The following HLA-C variants were observed in gnomAD, a reference collection of about 807,000 sequenced individuals.
The protein encoded by HLA-C is HLA class I histocompatibility antigen, C alpha chain.
A neutral mutation model predicts 36.9 loss-of-function variants in HLA-C; 15 were observed. That is an observed-to-expected ratio of 0.41 (90% CI 0.27 to 0.63). The LOEUF is 0.63. HLA-C is among the 20% of genes least tolerant of loss of function. The probability of loss-of-function intolerance (pLI) is 0.35; values close to 1 mark genes in which losing one functional copy is unlikely to be tolerated. For synonymous variants in HLA-C, 104 were observed against 174.3 expected, an observed-to-expected ratio of 0.60 and a Z score of 3.18; for missense variants, 272 against 400.4, an observed-to-expected ratio of 0.68 and a Z score of 2.74.
chr6:31,272,039 C>A, exon 1 of HLA-C: 1 of 1,038,186 alleles, frequency 9.6e-7, no homozygotes, highest in East Asian at 3.7e-5. Flanking sequence ...CCGAGAGCAG[C>A]AGGAGGAGGG....
chr6:31,269,021 T>A (rs1442640325), exon 8 of HLA-C: 3 of 699,168 alleles, frequency 4.3e-6, no homozygotes, highest in Non-Finnish European at 7.8e-6. Context: ...GACACGGGGG[T>A]GGGCTGTCTC....
At position 31,269,580 on chromosome 6, in the gene HLA-C, C is replaced by T. The variant is rs72558162; in HGVS notation, c.1016-55G>A. The T allele has an allele frequency of 6.9e-4, 465 of 676,118 alleles. 181 individuals are homozygous for T. In the South Asian group the frequency reaches 0.012, roughly 18 times the overall value. The allele number at this position is 676,118 out of a possible 1,614,324, so 41.9% of individuals were successfully genotyped here. A position where few individuals can be genotyped will look rare whatever the true frequency, so the allele number is the denominator to read the frequency against. On this transcript the variant is annotated intron_variant, in intron 5 of 7. Coordinates refer to ENST00000376228, the Ensembl canonical transcript of HLA-C. ...CTGGGAGGAGGCAGGGCCATGTGAT[C>T]TTAGGGGAACCTCCTAGTCTTGGAC...
rs779837272 is a variant in HLA-C at position 31,272,054 on chromosome 6, G to A, written c.18C>T (p.Pro6=). The A allele has an allele frequency of 2.9e-6, 3 of 1,020,166 alleles. 1 individual carries two copies. Among genetic ancestry groups the A allele is most frequent in the Non-Finnish European group, 3.9e-6 (3 of 760,694 alleles). 63.2% of individuals were successfully genotyped at this position (1,020,166 alleles called of 1,614,324 possible). Residue 6 remains proline (P), a synonymous_variant, in exon 1 of 8, where the codon CCC becomes CCT. Transcript: ENST00000376228. ...CCGAGAGCAGCAGGAGGAGGGCTCGGGGCGCCATGACCCGCATCTCGGCCT... is the reference window on the plus strand; with the variant it reads ...CCGAGAGCAGCAGGAGGAGGGCTCGAGGCGCCATGACCCGCATCTCGGCCT...
chr6:31,269,021 T>C, exon 8 of HLA-C: 2 of 699,284 alleles, frequency 2.9e-6, no homozygotes, highest in Non-Finnish European at 5.2e-6. Flanking sequence ...GACACGGGGG[T>C]GGGCTGTCTC....
In HLA-C at chr6:31,271,824, C is replaced by T. The variant is rs151341100; in HGVS notation, c.118G>A (p.Gly40Ser). 5,938 of 1,318,106 alleles carry T rather than the reference C, an allele frequency of 4.5e-3. 151 individuals carry two copies. The highest frequency in any genetic ancestry group is 8.6e-3 in the South Asian group (709 of 82,022). 81.7% of individuals were successfully genotyped at this position (1,318,106 alleles called of 1,614,324 possible). A position where few individuals can be genotyped will look rare whatever the true frequency, so the allele number is the denominator to read the frequency against. ...GAGATGAAGCGGGGCTCTCCGCGGCCGGGCCGGGACACGGCGGTGTCGAAA... is the reference window on the plus strand; with the variant it reads ...GAGATGAAGCGGGGCTCTCCGCGGCTGGGCCGGGACACGGCGGTGTCGAAA... Residue 40 changes from glycine (G) to serine (S), a missense_variant, in exon 2 of 8, where the codon GGC becomes AGC. By Grantham distance (56) the Gly-to-Ser change is moderately conservative (BLOSUM62 0). Coordinates refer to ENST00000376228, the Ensembl canonical transcript of HLA-C.
At chr6:31,268,958 G>A (rs1761090772) in exon 8 of HLA-C, 1 of 538,682 alleles carries the variant, frequency 1.9e-6, no homozygotes, top group African/African-American at 1.9e-5. Flanking sequence ...TCTGGAACAG[G>A]AAAGATGATC....
chr6:31,271,151 TCA>T lies in HLA-C; in HGVS notation c.539_540del (p.Leu180GlnfsTer40), dbSNP rs766416978. 0.032 allele frequency: 33,378 copies of T among 1,042,456 alleles called. 8,878 individuals carry two copies. The highest frequency in any genetic ancestry group is 0.033 in the Non-Finnish European group (26,360 of 794,594). 64.6% of individuals were successfully genotyped at this position (1,042,456 alleles called of 1,614,324 possible). On this transcript the variant is annotated frameshift_variant, in exon 3 of 8. Transcript: ENST00000376228. LOFTEE classifies it high-confidence loss of function. ...ACGCACGTGCCCTCCAGGTAGGCTC[TCA>T]GCTGCTCCGCCGCACGGGCCGCCTC...
exon 6 of HLA-C, chr6:31,269,498 G>A (rs41559915): frequency 0.027 from 24,470 of 905,320 alleles, 10,036 homozygotes; most frequent in South Asian, 0.18. Context: ...CTTACACGCA[G>A]CCTGAGAGCA....
exon 8 of HLA-C, chr6:31,268,871 T>C: frequency 4.1e-6 from 1 of 246,214 alleles, no homozygotes. Context: ...GGTTCTTAAC[T>C]TCATTAGGGA....
Position 31,272,064 on chromosome 6 carries a change from A to T in HLA-C, c.8T>A (p.Val3Asp). Reference sequence around the variant, plus strand: ...CAGGAGGAGGGCTCGGGGCGCCATGACCCGCATCTCGGCCTCTGGGGAGAA... The same window carrying T: ...CAGGAGGAGGGCTCGGGGCGCCATGTCCCGCATCTCGGCCTCTGGGGAGAA... Residue 3 changes from valine to aspartate, a missense_variant, in exon 1 of 8, where the codon GTC (valine) becomes GAC (aspartate). Physicochemically the swap from Val to Asp is radical, Grantham distance 152. Around this residue, in one of 8 missense-constraint regions of HLA-C, gnomAD observed 26 missense variants for 22.3 expected, o/e 1.17. Transcript: ENST00000376228. The T allele has an allele frequency of 3.0e-6, 3 of 1,012,808 alleles. 1 individual carries two copies. Among genetic ancestry groups the T allele is most frequent in the Non-Finnish European group, 4.0e-6 (3 of 755,970 alleles). 62.7% of individuals were successfully genotyped at this position (1,012,808 alleles called of 1,614,324 possible). A position where few individuals can be genotyped will look rare whatever the true frequency, so the allele number is the denominator to read the frequency against.
At chr6:31,271,717 C>G in exon 2 of HLA-C, 2 of 1,513,316 alleles carry the variant, frequency 1.3e-6, no homozygotes, top group East Asian at 2.4e-5. Flanking sequence ...CCTGCTCCAC[C>G]CACGGCGCCC....
rs552098447 is a variant in HLA-C at position 31,271,030 on chromosome 6, A to C, written c.619+43T>G. 8.2e-4 allele frequency: 701 copies of C among 854,170 alleles called. 2 individuals carry two copies. Among genetic ancestry groups the C allele is most frequent in the African/African-American group, 5.4e-3 (148 of 27,468 alleles). The allele number at this position is 854,170 out of a possible 1,614,324, so 52.9% of individuals were successfully genotyped here. On this transcript the variant is annotated intron_variant, in intron 3 of 7. Coordinates refer to ENST00000376228, the Ensembl canonical transcript of HLA-C. ...CCTCCTCGTGGGAGGCCATCCCGGG[A>C]GATCTATAGGAGATGGGGAAGGCTC... is the stretch of plus-strand genomic sequence containing the variant.
intron 6 of HLA-C, 29 bp from the exon 7 acceptor site, chr6:31,269,414 TC>T: frequency 1.1e-6 from 1 of 869,776 alleles, no homozygotes; most frequent in Non-Finnish European, 1.5e-6. Context: ...AAAGACCTGG[TC>T]AGAGCCCGCA....
chr6:31,270,569 G>A lies in HLA-C; in HGVS notation c.620-84C>T. 2.8e-6 allele frequency: 2 copies of A among 726,810 alleles called. 1 individual carries two copies. The highest frequency in any genetic ancestry group is 5.6e-5 in the South Asian group (2 of 35,538). 45.0% of individuals were successfully genotyped at this position (726,810 alleles called of 1,614,324 possible). A position where few individuals can be genotyped will look rare whatever the true frequency, so the allele number is the denominator to read the frequency against. ...GCGCCCATGTGACCATCCTGAGAAT[G>A]GACAGGACACCTGGGGTGGGGAAGG... On this transcript the variant is annotated intron_variant, in intron 3 of 7. Coordinates refer to ENST00000376228, the Ensembl canonical transcript of HLA-C.
In HLA-C at chr6:31,271,901, C is replaced by G. The variant is rs759134568; in HGVS notation, c.74-33G>C. On this transcript the variant is annotated intron_variant, in intron 1 of 7. Transcript: ENST00000376228. ...CGAGGAGGGGCTGAGACCCGCCCGA[C>G]CCACCTCCCTGCGCGGCTCCCCGGG... 4.9e-6 allele frequency: 6 copies of G among 1,215,732 alleles called. No individual in the cohort carries two copies. In the South Asian group the frequency reaches 6.7e-5, roughly 14 times the overall value. The allele number at this position is 1,215,732 out of a possible 1,614,324, so 75.3% of individuals were successfully genotyped here. A position where few individuals can be genotyped will look rare whatever the true frequency, so the allele number is the denominator to read the frequency against.
At chr6:31,272,081 TG>T in exon 1 of HLA-C, 1 of 997,680 alleles carries the variant, frequency 1.0e-6, no homozygotes. Context: ...TCTCGGCCTC[TG>T]GGGAGAATGT....
At chr6:31,271,601 T>G (rs1131123) in exon 2 of HLA-C, 165,651 of 1,085,990 alleles carry the variant, frequency 0.15, 45,795 homozygotes, top group East Asian at 0.5. Context: ...TCACTCACCG[T>G]CCTCGCTCTG....
exon 8 of HLA-C, chr6:31,268,994 G>T: frequency 1.4e-6 from 1 of 690,298 alleles, no homozygotes; most frequent in South Asian, 1.6e-5. Flanking sequence ...GTCAGTGTGG[G>T]GACAGGGGTC....
chr6:31,268,968 C>A, exon 8 of HLA-C: 1 of 550,642 alleles, frequency 1.8e-6, no homozygotes, highest in East Asian at 3.1e-5. Flanking sequence ...GAAAGATGAT[C>A]GGGGAGGGAA....
Sources: allele counts gnomAD v4.1 joint callset, GRCh38; gene constraint gnomAD v4.1.1; regional missense constraint gnomAD v4.1.1; transcripts MANE v1.5; gene names NCBI Gene and HGNC (gene_info 2026-07-23, HGNC 2026-07-21).